Variants in PRKCA observed in about 807,000 individuals in gnomAD.
PRKCA encodes protein kinase C alpha type.
Under a neutral mutation model 87.0 loss-of-function variants are expected in PRKCA, and 27 were observed. The observed-to-expected ratio is 0.31, with a 90% CI of 0.23 to 0.43. The LOEUF (loss-of-function observed/expected upper bound fraction) is 0.43. Among genes scored for constraint, PRKCA ranks in the 20% least tolerant of loss-of-function variants. PRKCA has a pLI of 1.00. For synonymous variants in PRKCA, 329 were observed against 311.1 expected (o/e 1.06, Z -0.61); for missense variants, 518 against 852.3 (o/e 0.61, Z 4.88).
chr17:66,368,764 A>G lies in PRKCA; in HGVS notation c.205+62637A>G, dbSNP rs374113346. Among the ~76,000 whole-genome samples, 6 of 152,240 alleles carry G rather than the reference A, an allele frequency of 3.9e-5. No homozygotes were observed. In the East Asian group the frequency reaches 1.2e-3, roughly 29 times the overall value. On this transcript the variant is annotated intron_variant, in intron 2 of 16. Coordinates refer to ENST00000413366, the MANE Select transcript of PRKCA (RefSeq NM_002737.3). Reference sequence around the variant, plus strand: ...AAAGGTGCTTCCTATGGGAAGATAGATGTGGACACAATTTCACAAATTAAG... The same window carrying G: ...AAAGGTGCTTCCTATGGGAAGATAGGTGTGGACACAATTTCACAAATTAAG...
intron 3 of PRKCA, among the ~76,000 whole-genome samples, chr17:66,565,124 C>T (rs769703112): frequency 6.6e-6 from 1 of 152,190 alleles, no homozygotes; most frequent in Non-Finnish European, 1.5e-5. Flanking sequence ...GTTCCTTACC[C>T]GTTAAGCCTT....
intron 3 of PRKCA, among the ~76,000 whole-genome samples, chr17:66,525,669 A>C (rs1967322403): frequency 6.6e-6 from 1 of 152,180 alleles, no homozygotes; most frequent in African/African-American, 2.4e-5. Flanking sequence ...GAGTTTGGAC[A>C]AGTGTGGTTT....
At chr17:66,500,947 A>AT (rs1491059115) in intron 3 of PRKCA, among the ~76,000 whole-genome samples, 1 of 151,046 alleles carries the variant, frequency 6.6e-6, no homozygotes, top group Non-Finnish European at 1.5e-5. Context: ...AAATTTAAAA[A>AT]TTTTAAATTA....
chr17:66,765,416 G>GTGTA (rs1276368624), intron 13 of PRKCA, among the ~76,000 whole-genome samples: 8 of 16,038 alleles, frequency 5.0e-4, no homozygotes, highest in African/African-American at 1.8e-3. Context: ...GCAAGACTTT[G>GTGTA]TCTATATATA....
rs1976075640 is a variant in PRKCA at position 66,808,152 on chromosome 17, G to A, written c.*4115G>A. 1 of 152,120 alleles carries A rather than the reference G, an allele frequency of 6.6e-6. No homozygotes were observed. Among genetic ancestry groups the A allele is most frequent in the East Asian group, 1.9e-4 (1 of 5,170 alleles). 9.4% of individuals were successfully genotyped at this position (152,120 alleles called of 1,614,324 possible). On this transcript the variant is annotated 3_prime_UTR_variant, in exon 17 of 17. Transcript: ENST00000413366. Reference sequence around the variant, plus strand: ...ATCCAGTGTACCCCAGAGGCCAGTAGGTTCCTGCCCATTTTCCTCTCTGGC... The same window carrying A: ...ATCCAGTGTACCCCAGAGGCCAGTAAGTTCCTGCCCATTTTCCTCTCTGGC...
chr17:66,469,282 C>T (rs900566706), intron 2 of PRKCA, among the ~76,000 whole-genome samples: 1 of 152,196 alleles, frequency 6.6e-6, no homozygotes, highest in Non-Finnish European at 1.5e-5. Context: ...ACATTCCTGC[C>T]ATTCTTTTTT....
rs1973486463 is a variant in PRKCA at position 66,716,792 on chromosome 17, G to A, written c.919-15896G>A. Among the ~76,000 whole-genome samples the A allele has an allele frequency of 2.0e-5, 3 of 152,316 alleles. No individual in the cohort carries two copies. The South Asian group carries it at 6.2e-4, about 32-fold the overall frequency. ...TCTGGCAAAGTGCCAACACGTCAGG[G>A]TCCCACGTTTCTCCTTGGAGAATGG... is the stretch of plus-strand genomic sequence containing the variant. On this transcript the variant is annotated intron_variant, in intron 8 of 16. Coordinates refer to ENST00000413366, the MANE Select transcript of PRKCA (RefSeq NM_002737.3).
At chr17:66,697,458 A>G (rs763352808) in intron 8 of PRKCA, among the ~76,000 whole-genome samples, 8 of 152,216 alleles carry the variant, frequency 5.3e-5, no homozygotes, top group Non-Finnish European at 1.2e-4. Context: ...GGTAGGAAGA[A>G]CTAGTTTTAC....
intron 3 of PRKCA, among the ~76,000 whole-genome samples, chr17:66,584,270 G>A (rs1969529717): frequency 7.5e-6 from 1 of 132,466 alleles, no homozygotes; most frequent in East Asian, 2.0e-4. Context: ...CGCCCAGGCT[G>A]GAGTGCAGTG....
intron 2 of PRKCA, among the ~76,000 whole-genome samples, chr17:66,445,174 G>T (rs571810253): frequency 6.6e-6 from 1 of 152,250 alleles, no homozygotes; most frequent in South Asian, 2.1e-4. Flanking sequence ...TCTGAATAAA[G>T]CCTGTGTCAC....
At chr17:66,352,401 G>C (rs1224949663) in intron 2 of PRKCA, among the ~76,000 whole-genome samples, 2 of 152,080 alleles carry the variant, frequency 1.3e-5, no homozygotes, top group African/African-American at 4.8e-5. Context: ...CAAGAGCAGG[G>C]CATGGGCTCT....
At chr17:66,756,376 G>A (rs1425913892) in intron 13 of PRKCA, among the ~76,000 whole-genome samples, 1 of 151,992 alleles carries the variant, frequency 6.6e-6, no homozygotes, top group African/African-American at 2.4e-5. Context: ...AAGCACTTGT[G>A]AAGGTCACAA....
rs568742160 is a variant in PRKCA at position 66,495,617 on chromosome 17, A to G, written c.206-584A>G. ...CCCAGTCTGGAGTGCAGTGGCATGG[A>G]TCTTGGCTCACTGCAACCTCCACCT... is the stretch of plus-strand genomic sequence containing the variant. On this transcript the variant is annotated intron_variant, in intron 2 of 16. Coordinates refer to ENST00000413366, the MANE Select transcript of PRKCA (RefSeq NM_002737.3). 1.2e-4 allele frequency among the ~76,000 whole-genome samples: 17 copies of G among 146,304 alleles called. No homozygotes were observed. In the East Asian group the frequency reaches 3.3e-3, roughly 28 times the overall value.
At chr17:66,721,601 C>T (rs1220814341) in intron 8 of PRKCA, among the ~76,000 whole-genome samples, 1 of 152,018 alleles carries the variant, frequency 6.6e-6, no homozygotes, top group African/African-American at 2.4e-5. Context: ...TGGATGTTAC[C>T]ATGGCATTTA....
At position 66,741,709 on chromosome 17, in the gene PRKCA, G is replaced by T. The variant is rs916837548; in HGVS notation, c.1373G>T (p.Gly458Val). ...SIGLFFLHKR[G>V]IIYRDLKLDN... The stretch of plus-strand genomic sequence containing the variant: ...GGATTGTTCTTTCTTCATAAAAGAG[G>T]AATCATTTATAGGTGTGTATTGAAG... Residue 458 changes from glycine to valine, a missense_variant, in exon 12 of 17, where the codon GGA (glycine) becomes GTA (valine). Gly to Val is a moderately radical substitution (Grantham distance 109, BLOSUM62 -3). Coordinates refer to ENST00000413366, the MANE Select transcript of PRKCA (RefSeq NM_002737.3). 6.2e-7 allele frequency: 1 copy of T among 1,614,016 alleles called. No individual in the cohort carries two copies. Among genetic ancestry groups the T allele is most frequent in the Admixed American group, 1.7e-5 (1 of 60,012 alleles).
intron 3 of PRKCA, among the ~76,000 whole-genome samples, chr17:66,574,796 T>C (rs903083017): frequency 2.0e-5 from 3 of 151,952 alleles, no homozygotes; most frequent in Non-Finnish European, 1.5e-5. Flanking sequence ...ACCCAACCTG[T>C]ACTATGTTTC....
At chr17:66,358,428 C>T (rs1567788646) in intron 2 of PRKCA, among the ~76,000 whole-genome samples, 1 of 152,014 alleles carries the variant, frequency 6.6e-6, no homozygotes, top group East Asian at 1.9e-4. Flanking sequence ...ATATTTTGCC[C>T]TTCTAGTACC....
At chr17:66,446,862 ATG>A (rs1464763222) in intron 2 of PRKCA, among the ~76,000 whole-genome samples, 13 of 152,164 alleles carry the variant, frequency 8.5e-5, no homozygotes, top group Non-Finnish European at 1.9e-4. Flanking sequence ...TGGTCAGGGT[ATG>A]TGTGTGTTGG....
intron 1 of PRKCA, among the ~76,000 whole-genome samples, chr17:66,304,882 A>AGGT (rs5821531): frequency 0.97 from 146,816 of 152,128 alleles, 70,864 homozygotes; most frequent in East Asian, 1. Context: ...GGTTAAGAGG[A>AGGT]GGTCAGCTGT....
Sources: allele counts gnomAD v4.1 joint callset (sites outside exome capture counted in the v4.1 genomes callset), GRCh38; gene constraint gnomAD v4.1.1; transcripts MANE v1.5; gene names NCBI Gene and HGNC (gene_info 2026-07-23, HGNC 2026-07-21).